CFAP20DC: variants seen among roughly 807,000 people sequenced by gnomAD.
The protein encoded by CFAP20DC is CFAP20 domain containing, also known as protein CFAP20DC.
In CFAP20DC, 84 loss-of-function variants were observed where a neutral mutation model predicts 101.7. The observed-to-expected ratio is 0.83, with a 90% confidence interval of 0.69 to 0.99. The LOEUF (loss-of-function observed/expected upper bound fraction) is 0.99, where lower values mean the gene tolerates loss of function less well. Among genes scored for constraint, CFAP20DC ranks in the 50% least tolerant of loss-of-function variants. The pLI is 0.00. For synonymous variants in CFAP20DC, 359 were observed against 351.2 expected, an observed-to-expected ratio of 1.02 and a Z score of -0.25; for missense variants, 1,007 against 970.3, an observed-to-expected ratio of 1.04 and a Z score of -0.50.
At chr3:58,962,310 A>C (rs1026634906) in intron 4 of CFAP20DC, among the ~76,000 whole-genome samples, 2 of 152,196 alleles carry the variant, frequency 1.3e-5, no homozygotes, top group Non-Finnish European at 2.9e-5. Flanking sequence ...ATTTATAAGT[A>C]TGTGAGGATT....
At chr3:58,834,644 T>A (rs967611108) in intron 13 of CFAP20DC, among the ~76,000 whole-genome samples, 1 of 152,136 alleles carries the variant, frequency 6.6e-6, no homozygotes, top group African/African-American at 2.4e-5. Context: ...GAAAATTACC[T>A]AACCTCTCTA....
chr3:58,822,032 A>T (rs887269241), intron 14 of CFAP20DC, among the ~76,000 whole-genome samples: 36 of 144,278 alleles, frequency 2.5e-4, no homozygotes, highest in African/African-American at 9.7e-4. Context: ...ATTCTCAGTA[A>T]ACTATCGCAA....
At chr3:58,827,151 CCA>C (rs1307148394) in intron 14 of CFAP20DC, among the ~76,000 whole-genome samples, 1 of 152,060 alleles carries the variant, frequency 6.6e-6, no homozygotes, top group Non-Finnish European at 1.5e-5. Context: ...TAACAAATTA[CCA>C]CTCTGGTGGG....
intron 15 of CFAP20DC, 89 bp downstream of exon 15, chr3:58,806,304 TTG>T: frequency 1.1e-6 from 1 of 878,186 alleles, no homozygotes; most frequent in Non-Finnish European, 1.9e-6. Flanking sequence ...GCTAGAAGTT[TTG>T]GAAAACAATT....
chr3:58,730,615 A>G (rs2067626806), intron 3 of CFAP20DC, among the ~76,000 whole-genome samples: 1 of 152,200 alleles, frequency 6.6e-6, no homozygotes, highest in Non-Finnish European at 1.5e-5. Flanking sequence ...CAAGTTTCCT[A>G]TCTCAGCAAT....
intron 5 of CFAP20DC, among the ~76,000 whole-genome samples, chr3:58,927,421 G>A (rs1400361844): frequency 6.6e-6 from 1 of 152,148 alleles, no homozygotes; most frequent in African/African-American, 2.4e-5. Context: ...GAAGCAAGAA[G>A]GGTCTGAGTC....
chr3:58,935,757 T>G (rs2087481016), intron 5 of CFAP20DC, among the ~76,000 whole-genome samples: 1 of 152,182 alleles, frequency 6.6e-6, no homozygotes, highest in South Asian at 2.1e-4. Flanking sequence ...CCTTACATCT[T>G]ATACAAAAAT....
intron 4 of CFAP20DC, among the ~76,000 whole-genome samples, chr3:58,942,610 C>T (rs1559869040): frequency 6.6e-6 from 1 of 152,192 alleles, no homozygotes. Context: ...GTGCCTACAC[C>T]ACCAGGGCCC....
intron 13 of CFAP20DC, among the ~76,000 whole-genome samples, chr3:58,846,081 G>A (rs1245490315): frequency 4.1e-5 from 6 of 145,594 alleles, no homozygotes; most frequent in African/African-American, 1.6e-4. Context: ...AAAACTGGAA[G>A]CATTCCCTTT....
At chr3:59,037,540 T>A (rs2094126275) in intron 4 of CFAP20DC, among the ~76,000 whole-genome samples, 1 of 152,018 alleles carries the variant, frequency 6.6e-6, no homozygotes, top group Admixed American at 6.5e-5. Flanking sequence ...AAGCTCATCA[T>A]CACTGGTCTT....
intron 4 of CFAP20DC, among the ~76,000 whole-genome samples, chr3:58,967,249 A>G (rs1378783345): frequency 6.6e-6 from 1 of 152,228 alleles, no homozygotes; most frequent in African/African-American, 2.4e-5. Context: ...AAGGGCACCA[A>G]GACAATTTAA....
chr3:58,760,457 A>G (rs1359972701), intron 15 of CFAP20DC, among the ~76,000 whole-genome samples: 2 of 152,136 alleles, frequency 1.3e-5, no homozygotes, highest in Non-Finnish European at 2.9e-5. Flanking sequence ...GGTTTTCTAG[A>G]TATACAATCA....
At chr3:59,045,255 A>C (rs1699757826) in intron 3 of CFAP20DC, among the ~76,000 whole-genome samples, 1 of 152,050 alleles carries the variant, frequency 6.6e-6, no homozygotes, top group Non-Finnish European at 1.5e-5. Context: ...GAACCTATAT[A>C]AGTTTAGAAA....
intron 15 of CFAP20DC, among the ~76,000 whole-genome samples, chr3:58,780,435 C>T (rs901121082): frequency 4.6e-5 from 7 of 151,944 alleles, no homozygotes; most frequent in African/African-American, 1.7e-4. Flanking sequence ...AATAAGCCCA[C>T]ATGTGTCAGT....
intron 14 of CFAP20DC, among the ~76,000 whole-genome samples, chr3:58,829,864 A>G (rs1559663120): frequency 6.6e-6 from 1 of 152,180 alleles, no homozygotes; most frequent in Non-Finnish European, 1.5e-5. Flanking sequence ...TTGGTCTCCA[A>G]GCTACTTCAT....
At chr3:58,949,865 C>T (rs1442403469) in intron 4 of CFAP20DC, among the ~76,000 whole-genome samples, 1 of 152,162 alleles carries the variant, frequency 6.6e-6, no homozygotes, top group African/African-American at 2.4e-5. Context: ...TCGCACAAGA[C>T]AGGGATGCCC....
chr3:58,811,357 A>C (rs1191858949), intron 14 of CFAP20DC, among the ~76,000 whole-genome samples: 1 of 152,104 alleles, frequency 6.6e-6, no homozygotes, highest in Non-Finnish European at 1.5e-5. Flanking sequence ...CAAAACAGAG[A>C]TATAGATCAA....
intron 5 of CFAP20DC, among the ~76,000 whole-genome samples, chr3:58,916,601 C>T (rs1025852507): frequency 6.6e-6 from 1 of 152,122 alleles, no homozygotes; most frequent in African/African-American, 2.4e-5. Context: ...TACACTCAAT[C>T]TTTCATTTAA....
rs758667222 is a variant in CFAP20DC at position 58,859,747 on chromosome 3, A to G, written c.1593+3811T>C. On this transcript the variant is annotated intron_variant, in intron 12 of 16. Transcript: ENST00000482387. The surrounding 1 kb of genome is among the most constrained non-coding windows in gnomAD (Gnocchi z 4.1). ...AAATGCAAGGCAGTATATTCAAAAT[A>G]GAGTCTTTTCATTTTTTCCCAACAC... is the stretch of plus-strand genomic sequence containing the variant. Among the ~76,000 whole-genome samples, 32 of 152,268 alleles carry G rather than the reference A, an allele frequency of 2.1e-4. No individual in the cohort carries two copies. Among genetic ancestry groups the G allele is most frequent in the Non-Finnish European group, 1.9e-4 (13 of 68,052 alleles).
Sources: gnomAD v4.1 joint callset for allele counts (sites outside exome capture counted in the v4.1 genomes callset) on GRCh38, gnomAD v4.1.1 for gene constraint, Gnocchi (gnomAD v3.1) non-coding constraint, MANE v1.5 for transcripts, NCBI Gene and HGNC (gene_info 2026-07-23, HGNC 2026-07-21) for gene names.